Variants in CDC14B observed in about 807,000 individuals in gnomAD.
The protein encoded by CDC14B is cell division cycle 14B.
In CDC14B, 22 loss-of-function variants were observed where a neutral mutation model predicts 64.2. The observed-to-expected ratio is 0.34, with a 90% CI of 0.24 to 0.49. The LOEUF is 0.49. Ranked by LOEUF, CDC14B falls within the 20% of genes least tolerant of loss-of-function variation. The pLI is 0.99. For synonymous variants in CDC14B, 191 were observed against 215.8 expected, an observed-to-expected ratio of 0.89 and a Z score of 1.01; for missense variants, 498 against 629.9, an observed-to-expected ratio of 0.79 and a Z score of 2.24.
At chr9:96,561,579 C>T (rs937311710) in intron 4 of CDC14B, among the ~76,000 whole-genome samples, 10 of 151,856 alleles carry the variant, frequency 6.6e-5, no homozygotes, top group Admixed American at 1.3e-4. Flanking sequence ...CCCGGGTTCA[C>T]GACGTTCTCT....
At chr9:96,571,142 A>G (rs529378152) in intron 1 of CDC14B, among the ~76,000 whole-genome samples, 11 of 152,300 alleles carry the variant, frequency 7.2e-5, no homozygotes, top group Admixed American at 5.9e-4. Flanking sequence ...ATTTTGAAAA[A>G]GCTGTCAGAC....
chr9:96,543,804 A>G (rs963827172), intron 5 of CDC14B, among the ~76,000 whole-genome samples: 1 of 152,230 alleles, frequency 6.6e-6, no homozygotes, highest in African/African-American at 2.4e-5. Context: ...CTGGGGAAAC[A>G]GGGTTGCTGG....
rs755798208 is a variant in CDC14B, at chr9:96,618,631, G to C, written c.160+588C>G. ...CGGACCCCGGGAGGCGGAGGCGTTCGGGGGGCGCGCTAGGGGGCAGGGCGC... is the reference window on the plus strand; with the variant it reads ...CGGACCCCGGGAGGCGGAGGCGTTCCGGGGGCGCGCTAGGGGGCAGGGCGC... On this transcript the variant is annotated intron_variant, in intron 1 of 13. Coordinates refer to ENST00000375241, the MANE Select transcript of CDC14B (RefSeq NM_033331.4). The C allele has an allele frequency of 5.7e-6, 3 of 529,052 alleles. No homozygotes were observed. The African/African-American group carries it at 5.8e-5, about 10-fold the overall frequency. The allele number at this position is 529,052 out of a possible 1,614,324, so 32.8% of individuals were successfully genotyped here.
intron 1 of CDC14B, among the ~76,000 whole-genome samples, chr9:96,612,362 C>T (rs1847376702): frequency 6.6e-6 from 1 of 152,228 alleles, no homozygotes; most frequent in Non-Finnish European, 1.5e-5. Context: ...CCTTTGTCCT[C>T]GCAGCTGCTG....
chr9:96,577,460 G>A (rs1844880371), intron 1 of CDC14B, among the ~76,000 whole-genome samples: 1 of 152,108 alleles, frequency 6.6e-6, no homozygotes, highest in Non-Finnish European at 1.5e-5. Context: ...GCCTAAAAAT[G>A]TCTCCCTCTA....
chr9:96,618,925 G>A (rs905402346), intron 1 of CDC14B, among the ~76,000 whole-genome samples: 2 of 152,222 alleles, frequency 1.3e-5, no homozygotes, highest in African/African-American at 2.4e-5. Context: ...TCGAGGCGCC[G>A]GGCTGACGCC....
chr9:96,547,971 G>A (rs1215601709), intron 5 of CDC14B, among the ~76,000 whole-genome samples: 9 of 151,978 alleles, frequency 5.9e-5, no homozygotes, highest in Admixed American at 4.6e-4. Flanking sequence ...GACTATAGGC[G>A]CCCGCCACCA....
intron 9 of CDC14B, among the ~76,000 whole-genome samples, chr9:96,530,801 C>G (rs1246916509): frequency 2.0e-5 from 3 of 152,080 alleles, no homozygotes; most frequent in Admixed American, 1.3e-4. Flanking sequence ...TAGCTGTGGG[C>G]TTTTCACATA....
intron 1 of CDC14B, among the ~76,000 whole-genome samples, chr9:96,580,520 T>C (rs948654308): frequency 2.0e-5 from 3 of 152,166 alleles, no homozygotes; most frequent in African/African-American, 7.2e-5. Flanking sequence ...CGCGAGCCAC[T>C]GCGCCCGGCT....
chr9:96,562,639 A>C lies in CDC14B; in HGVS notation c.420+54T>G, dbSNP rs112658740. On this transcript the variant is annotated intron_variant, in intron 4 of 13. Transcript: ENST00000375241. ...TTTCAAAATTCCAACTGCAAATGTA[A>C]AGAACCACTGTTGTGTGCATTTTTA... 2.7e-6 allele frequency: 3 copies of C among 1,119,860 alleles called. No individual in the cohort carries two copies. In the South Asian group the frequency reaches 3.8e-5, roughly 14 times the overall value. 69.4% of individuals were successfully genotyped at this position (1,119,860 alleles called of 1,614,324 possible).
At chr9:96,569,536 A>G (rs756447949) in intron 1 of CDC14B, among the ~76,000 whole-genome samples, 4 of 152,190 alleles carry the variant, frequency 2.6e-5, no homozygotes, top group African/African-American at 7.2e-5. Flanking sequence ...CCAATATTTT[A>G]TTGTTAGAGT....
chr9:96,611,619 T>TA (rs956496928), intron 1 of CDC14B, among the ~76,000 whole-genome samples: 3 of 152,168 alleles, frequency 2.0e-5, no homozygotes, highest in African/African-American at 7.2e-5. Flanking sequence ...CCCAGGGTAA[T>TA]AAAAAATAGA....
intron 1 of CDC14B, among the ~76,000 whole-genome samples, chr9:96,599,410 A>C (rs1019928192): frequency 2.0e-5 from 3 of 152,180 alleles, no homozygotes; most frequent in Non-Finnish European, 4.4e-5. Context: ...GAAGTACTCA[A>C]AAATAATAGT....
chr9:96,547,486 G>A (rs1054530510), intron 5 of CDC14B, among the ~76,000 whole-genome samples: 2 of 151,782 alleles, frequency 1.3e-5, no homozygotes, highest in South Asian at 2.1e-4. Flanking sequence ...AAAAAGATAC[G>A]GTCTTGTTCT....
chr9:96,579,611 G>A (rs989585081), intron 1 of CDC14B, among the ~76,000 whole-genome samples: 14 of 151,206 alleles, frequency 9.3e-5, no homozygotes, highest in Non-Finnish European at 4.4e-5. Flanking sequence ...GGAGATACCA[G>A]AGCACTCTCT....
chr9:96,558,648 A>G (rs1564333813), intron 4 of CDC14B, among the ~76,000 whole-genome samples: 1 of 152,248 alleles, frequency 6.6e-6, no homozygotes, highest in Non-Finnish European at 1.5e-5. Context: ...TTTTCTTTCC[A>G]AAAGGATTTT....
downstream of CDC14B, among the ~76,000 whole-genome samples, chr9:96,496,978 C>T (rs367546715): frequency 1.3e-5 from 2 of 152,334 alleles, no homozygotes; most frequent in South Asian, 2.1e-4. Flanking sequence ...ACGCCAGACA[C>T]GCTGCATTCC....
intron 5 of CDC14B, among the ~76,000 whole-genome samples, chr9:96,546,430 CAG>C (rs980302863): frequency 1.4e-5 from 2 of 145,640 alleles, no homozygotes; most frequent in African/African-American, 2.7e-5. Flanking sequence ...ATCTAGGAGA[CAG>C]AGAATTTTTT....
chr9:96,493,228 T>G lies in CDC14B; in HGVS notation c.*105A>C, dbSNP rs902857658. On this transcript the variant is annotated 3_prime_UTR_variant and NMD_transcript_variant, in exon 14 of 14. Transcript: ENST00000474602. ...TGTTCTCAGCAGCAGTGGGCCTGCC[T>G]GCTCTCTCCACATGGCGGCCTCCGC... 1.7e-4 allele frequency: 26 copies of G among 152,422 alleles called. 1 individual carries two copies. The highest frequency in any genetic ancestry group is 5.5e-4 in the African/African-American group (23 of 41,592). The allele number at this position is 152,422 out of a possible 1,614,324, so 9.4% of individuals were successfully genotyped here.
Sources: allele counts gnomAD v4.1 joint callset (sites outside exome capture counted in the v4.1 genomes callset), GRCh38; gene constraint gnomAD v4.1.1; transcripts MANE v1.5; gene names NCBI Gene and HGNC (gene_info 2026-07-23, HGNC 2026-07-21).